Variants in LRBA observed in about 807,000 individuals in gnomAD.
LRBA encodes LPS responsive beige-like anchor protein, also known as lipopolysaccharide-responsive and beige-like anchor protein.
In LRBA, 176 loss-of-function variants were observed where a neutral mutation model predicts 330.0. That is an observed-to-expected ratio of 0.53 (90% CI 0.47 to 0.60). LRBA has a LOEUF of 0.60. Among genes scored for constraint, LRBA ranks in the 20% least tolerant of loss-of-function variants. The probability of loss-of-function intolerance (pLI) is 0.00; values close to 1 mark genes in which losing one functional copy is unlikely to be tolerated. For synonymous variants in LRBA, 1,230 were observed against 1,193.0 expected (o/e 1.03, Z -0.64); for missense variants, 3,259 against 3,444.8 (o/e 0.95, Z 1.35).
intron 17 of LRBA, among the ~76,000 whole-genome samples, chr4:150,882,411 T>C (rs1416856890): frequency 1.3e-5 from 2 of 152,166 alleles, no homozygotes; most frequent in African/African-American, 4.8e-5. Flanking sequence ...AAAAATCCTG[T>C]AGTGCTTCAA....
chr4:150,780,316 T>C (rs186517564), intron 34 of LRBA, among the ~76,000 whole-genome samples: 1 of 152,202 alleles, frequency 6.6e-6, no homozygotes, highest in East Asian at 1.9e-4. Context: ...AGGTATCTTA[T>C]GTTTATGCTA....
intron 37 of LRBA, among the ~76,000 whole-genome samples, chr4:150,629,749 T>C (rs1777192270): frequency 6.6e-6 from 1 of 151,620 alleles, no homozygotes; most frequent in African/African-American, 2.4e-5. Flanking sequence ...CTGCATGGAT[T>C]GCCTGAAGTC....
At chr4:150,898,583 T>G (rs544483284) in intron 14 of LRBA, among the ~76,000 whole-genome samples, 10 of 152,194 alleles carry the variant, frequency 6.6e-5, no homozygotes, top group Middle Eastern at 3.4e-3. Context: ...CACCATGACT[T>G]TGAACAGATC....
At chr4:150,530,410 A>C (rs1763935335) in intron 40 of LRBA, among the ~76,000 whole-genome samples, 1 of 152,162 alleles carries the variant, frequency 6.6e-6, no homozygotes, top group Admixed American at 6.5e-5. Flanking sequence ...ATCCCTTGGC[A>C]ATTTCAACAA....
In LRBA at chr4:150,555,975, T is replaced by C. The variant is rs72736310; in HGVS notation, c.6330+32073A>G. Among the ~76,000 whole-genome samples, 960 of 151,936 alleles carry C rather than the reference T, an allele frequency of 6.3e-3. 2 individuals carry two copies. The highest frequency in any genetic ancestry group is 0.011 in the South Asian group (54 of 4,796). ...CACCACTATGCCTGGTTAATTCTGTTCATTTTTTATAGAGATGAGATACTG... is the reference window on the plus strand; with the variant it reads ...CACCACTATGCCTGGTTAATTCTGTCCATTTTTTATAGAGATGAGATACTG... On this transcript the variant is annotated intron_variant, in intron 40 of 56. Coordinates refer to ENST00000651943, the MANE Select transcript of LRBA (RefSeq NM_001364905.1).
intron 20 of LRBA, among the ~76,000 whole-genome samples, 173 bp downstream of exon 20, chr4:150,870,352 G>T (rs1753275228): frequency 6.6e-6 from 1 of 152,154 alleles, no homozygotes; most frequent in African/African-American, 2.4e-5. Flanking sequence ...ACTTAAGGTT[G>T]ATTCGAAGGA....
intron 2 of LRBA, among the ~76,000 whole-genome samples, chr4:150,952,021 T>G (rs1579299636): frequency 1.3e-5 from 2 of 152,336 alleles, no homozygotes; most frequent in South Asian, 2.1e-4. Flanking sequence ...ACCTTGCTGT[T>G]TGCAAATGTA....
At chr4:150,609,354 C>A (rs1774996332) in intron 37 of LRBA, among the ~76,000 whole-genome samples, 1 of 152,112 alleles carries the variant, frequency 6.6e-6, no homozygotes, top group Admixed American at 6.5e-5. Context: ...TGGTCTGACA[C>A]AATGAAACAT....
chr4:150,450,533 T>G (rs1203104298), intron 44 of LRBA, among the ~76,000 whole-genome samples: 2 of 152,102 alleles, frequency 1.3e-5, no homozygotes, highest in African/African-American at 4.8e-5. Context: ...TTATATGACG[T>G]TTTCATACAA....
chr4:150,982,468 T>C (rs1043357773), intron 2 of LRBA, among the ~76,000 whole-genome samples: 1 of 152,092 alleles, frequency 6.6e-6, no homozygotes, highest in African/African-American at 2.4e-5. Context: ...AAGGAAACAA[T>C]GTAAGGTTAC....
intron 36 of LRBA, among the ~76,000 whole-genome samples, chr4:150,691,982 A>C (rs1784180255): frequency 6.6e-6 from 1 of 152,192 alleles, no homozygotes. Context: ...AACTATCTAT[A>C]ATAACAGAAA....
chr4:150,576,587 A>G (rs545559182), intron 40 of LRBA, among the ~76,000 whole-genome samples: 2 of 152,028 alleles, frequency 1.3e-5, no homozygotes, highest in African/African-American at 2.4e-5. Flanking sequence ...ATAGTTTAAT[A>G]AAGTACTCAT....
At chr4:150,501,570 C>A (rs1048218471) in intron 40 of LRBA, among the ~76,000 whole-genome samples, 2 of 151,720 alleles carry the variant, frequency 1.3e-5, no homozygotes, top group Non-Finnish European at 2.9e-5. Context: ...CAAGGTCGTG[C>A]CACTGTACTG....
At chr4:150,614,429 A>G (rs1326766675) in intron 37 of LRBA, among the ~76,000 whole-genome samples, 1 of 152,260 alleles carries the variant, frequency 6.6e-6, no homozygotes, top group African/African-American at 2.4e-5. Context: ...AACAACATGT[A>G]ATGAGAGCCT....
intron 55 of LRBA, among the ~76,000 whole-genome samples, chr4:150,281,895 G>A (rs1747583362): frequency 6.6e-6 from 1 of 152,176 alleles, no homozygotes; most frequent in African/African-American, 2.4e-5. Flanking sequence ...TGCCATTTCG[G>A]GTAGACCCAG....
intron 46 of LRBA, among the ~76,000 whole-genome samples, chr4:150,433,812 C>T (rs1021106604): frequency 1.3e-5 from 2 of 152,028 alleles, no homozygotes; most frequent in Non-Finnish European, 2.9e-5. Flanking sequence ...AAATTATTTA[C>T]TGGTGATTTT....
At chr4:150,462,256 A>G (rs2152051758) in intron 44 of LRBA, among the ~76,000 whole-genome samples, 2 of 151,982 alleles carry the variant, frequency 1.3e-5, no homozygotes, top group East Asian at 3.9e-4. Flanking sequence ...TAGAGGGAAA[A>G]GAAATCAACC....
chr4:150,877,274 A>AG (rs199815878), intron 17 of LRBA, among the ~76,000 whole-genome samples: 142 of 151,166 alleles, frequency 9.4e-4, no homozygotes, highest in African/African-American at 3.4e-3. Context: ...AAAAAAAAAA[A>AG]AGAGAGACCT....
intron 30 of LRBA, among the ~76,000 whole-genome samples, chr4:150,821,289 A>T (rs1031956401): frequency 3.9e-5 from 6 of 151,930 alleles, no homozygotes; most frequent in Non-Finnish European, 8.8e-5. Flanking sequence ...TCTTATTATC[A>T]TTTTTTTCTT....
Sources: allele counts gnomAD v4.1 joint callset (sites outside exome capture counted in the v4.1 genomes callset), GRCh38; gene constraint gnomAD v4.1.1; transcripts MANE v1.5; gene names NCBI Gene and HGNC (gene_info 2026-07-23, HGNC 2026-07-21).